The following MBP variants were observed in gnomAD, a reference collection of about 807,000 sequenced individuals.
The protein encoded by MBP is Golli-MBP.
Under a neutral mutation model 35.8 loss-of-function variants are expected in MBP, and 16 were observed. That is an observed-to-expected ratio of 0.45 (90% confidence interval 0.30 to 0.68). MBP has a LOEUF of 0.68. Ranked by LOEUF, MBP falls within the 30% of genes least tolerant of loss-of-function variation. The probability of loss-of-function intolerance (pLI) is 0.08; values close to 1 mark genes in which losing one functional copy is unlikely to be tolerated. For missense variants in MBP, 380 were observed against 404.7 expected (o/e 0.94, Z 0.52); for synonymous variants, 143 against 159.6 (o/e 0.90, Z 0.78).
chr18:77,108,748 C>T (rs966080), intron 1 of MBP: 149,125 of 152,382 alleles, frequency 0.98, 73,051 homozygotes, highest in Middle Eastern at 1. Context: ...GGTGGAACCA[C>T]AGGATAATTC....
intron 3 of MBP, among the ~76,000 whole-genome samples, chr18:77,055,345 G>A (rs886952679): frequency 6.6e-6 from 1 of 152,204 alleles, no homozygotes; most frequent in South Asian, 2.1e-4. Flanking sequence ...AGAGTAGGGG[G>A]CACATAACTG....
chr18:77,072,074 C>T (rs371222761), intron 2 of MBP, among the ~76,000 whole-genome samples: 12 of 152,238 alleles, frequency 7.9e-5, no homozygotes, highest in East Asian at 7.7e-4. Flanking sequence ...ACGTCACAGG[C>T]GACACAGTCA....
Position 77,010,491 on chromosome 18 carries a change from A to G in MBP, c.576+6341T>C, listed in dbSNP as rs1424079125. On this transcript the variant is annotated intron_variant, in intron 4 of 8. Coordinates refer to ENST00000355994, the MANE Select transcript of MBP (RefSeq NM_001025101.2). ...AACTTTTTCTGCTCTGTGAAGGTTCAGTGAACCGAGGACGGACCTTTTCCG... is the reference window on the plus strand; with the variant it reads ...AACTTTTTCTGCTCTGTGAAGGTTCGGTGAACCGAGGACGGACCTTTTCCG... Among the ~76,000 whole-genome samples the G allele has an allele frequency of 3.9e-5, 6 of 152,264 alleles. 1 individual carries two copies. Among genetic ancestry groups the G allele is most frequent in the African/African-American group, 1.4e-4 (6 of 41,468 alleles).
chr18:77,011,965 C>A (rs1345221211), intron 4 of MBP, among the ~76,000 whole-genome samples: 1 of 152,196 alleles, frequency 6.6e-6, no homozygotes, highest in Non-Finnish European at 1.5e-5. Context: ...GCTCCTAATT[C>A]ACCGATCAGA....
intron 2 of MBP, among the ~76,000 whole-genome samples, chr18:77,078,816 C>T (rs372668823): frequency 6.6e-6 from 1 of 152,204 alleles, no homozygotes; most frequent in East Asian, 1.9e-4. Flanking sequence ...GTGGACTCCA[C>T]CAATGAGGAT....
intron 1 of MBP, among the ~76,000 whole-genome samples, chr18:77,122,988 T>C (rs561481004): frequency 1.6e-4 from 24 of 152,340 alleles, no homozygotes; most frequent in African/African-American, 5.5e-4. Context: ...TATTTTGCCA[T>C]GGGAAAATTA....
chr18:77,108,304 A>G (rs1207143293), intron 1 of MBP: 1 of 152,214 alleles, frequency 6.6e-6, no homozygotes, highest in Non-Finnish European at 1.5e-5. Context: ...ATTTTTTGCA[A>G]TTAATCAAAT....
In MBP at chr18:77,000,522, G is replaced by A. The variant is rs145594323; in HGVS notation, c.577-10462C>T. ...TTAAAATCACGGGAGGAAGACCACG[G>A]GTGGCCATTTATTTGTAAAAGAAAT... On this transcript the variant is annotated intron_variant, in intron 4 of 8. Transcript: ENST00000355994. 6.6e-5 allele frequency among the ~76,000 whole-genome samples: 10 copies of A among 152,300 alleles called. No homozygotes were observed. In the East Asian group the frequency reaches 1.9e-3, roughly 29 times the overall value.
intron 2 of MBP, among the ~76,000 whole-genome samples, chr18:77,077,395 T>C (rs1297653506): frequency 6.6e-6 from 1 of 151,874 alleles, no homozygotes; most frequent in Non-Finnish European, 1.5e-5. Flanking sequence ...ATTCTTTTCT[T>C]GATCCTTCTT....
intron 3 of MBP, among the ~76,000 whole-genome samples, chr18:77,045,781 T>G (rs904718671): frequency 6.6e-6 from 1 of 152,212 alleles, no homozygotes; most frequent in African/African-American, 2.4e-5. Context: ...ACAGTGAAAT[T>G]ACTTAAATCT....
In MBP at chr18:77,028,742, C is replaced by T. The variant is rs1170524596; in HGVS notation, c.140-11474G>A. ...CTCCCGGACGGGGCGGCTGGCCAGG[C>T]GGGGGGCTGATCCCCCCACCTCCCT... is the stretch of plus-strand genomic sequence containing the variant. On this transcript the variant is annotated intron_variant, in intron 3 of 8. Coordinates refer to ENST00000355994, the MANE Select transcript of MBP (RefSeq NM_001025101.2). 4.9e-3 allele frequency among the ~76,000 whole-genome samples: 467 copies of T among 94,790 alleles called. 27 individuals are homozygous for T. Among genetic ancestry groups the T allele is most frequent in the Middle Eastern group, 0.013 (2 of 154 alleles). The allele number at this position is 94,790 out of a possible 152,430, so 62.2% of individuals were successfully genotyped here. A position where few individuals can be genotyped will look rare whatever the true frequency, so the allele number is the denominator to read the frequency against.
At chr18:77,036,926 T>A (rs1362711187) in intron 3 of MBP, among the ~76,000 whole-genome samples, 11 of 53,394 alleles carry the variant, frequency 2.1e-4, no homozygotes, top group South Asian at 1.2e-3. Context: ...TTTTGGAGAC[T>A]GAGCTGAGCA....
chr18:76,980,336 C>T lies in MBP; in HGVS notation c.*91G>A, dbSNP rs1599444987. On this transcript the variant is annotated 3_prime_UTR_variant, in exon 9 of 9. Coordinates refer to ENST00000355994, the MANE Select transcript of MBP (RefSeq NM_001025101.2). Reference sequence around the variant, plus strand: ...CAGGCATTAGGGGAGGGGTCATCTGCTCTAATTAGGTAACAGGGGCAAGTG... The same window carrying T: ...CAGGCATTAGGGGAGGGGTCATCTGTTCTAATTAGGTAACAGGGGCAAGTG... The T allele has an allele frequency of 2.5e-6, 3 of 1,215,444 alleles. No homozygotes were observed. In the East Asian group the frequency reaches 7.0e-5, roughly 28 times the overall value. The allele number at this position is 1,215,444 out of a possible 1,614,324, so 75.3% of individuals were successfully genotyped here.
chr18:77,088,317 C>T (rs1022645048), intron 2 of MBP, among the ~76,000 whole-genome samples: 3 of 152,182 alleles, frequency 2.0e-5, no homozygotes, highest in African/African-American at 7.2e-5. Flanking sequence ...GAACCCCCAG[C>T]CCCTTTAATG....
intron 3 of MBP, 116 bp from the exon 4 acceptor site, chr18:77,017,384 G>A: frequency 1.1e-6 from 1 of 944,128 alleles, no homozygotes; most frequent in Non-Finnish European, 1.5e-6. Context: ...CAGAATATGT[G>A]CAGTCCTCAT....
chr18:77,056,493 G>T (rs1973728859), intron 3 of MBP, among the ~76,000 whole-genome samples: 1 of 152,166 alleles, frequency 6.6e-6, no homozygotes, highest in African/African-American at 2.4e-5. Context: ...CAACAAGGAA[G>T]ATAACACCCT....
intron 3 of MBP, among the ~76,000 whole-genome samples, chr18:77,028,743 G>C (rs867127108): frequency 2.0e-5 from 2 of 98,424 alleles, no homozygotes; most frequent in African/African-American, 5.8e-5. Flanking sequence ...CTGGCCAGGC[G>C]GGGGGCTGAT....
At position 77,131,083 on chromosome 18, in the gene MBP, GCGCA is replaced by G. The variant is rs1238478584; in HGVS notation, c.-26+1493_-26+1496del. Among the ~76,000 whole-genome samples the G allele has an allele frequency of 3.0e-3, 132 of 43,692 alleles. No individual in the cohort carries two copies. The highest frequency in any genetic ancestry group is 0.034 in the Middle Eastern group (2 of 58). 28.7% of individuals were successfully genotyped at this position (43,692 alleles called of 152,430 possible). On this transcript the variant is annotated intron_variant, in intron 1 of 8. Coordinates refer to ENST00000355994, the MANE Select transcript of MBP (RefSeq NM_001025101.2). The surrounding 1 kb of genome is among the most constrained non-coding windows in gnomAD (Gnocchi z 5.5). The stretch of plus-strand genomic sequence containing the variant: ...AAAACACACACACGCGCGCACGCAC[GCGCA>G]CACACACACACACACACACACACAC...
At chr18:77,004,801 G>A (rs928238985) in intron 4 of MBP, 1 of 152,340 alleles carries the variant, frequency 6.6e-6, no homozygotes. Flanking sequence ...ATGACAGGAA[G>A]GATCAGCGTT....
Sources: gnomAD v4.1 joint callset for allele counts (sites outside exome capture counted in the v4.1 genomes callset) on GRCh38, gnomAD v4.1.1 for gene constraint, Gnocchi (gnomAD v3.1) non-coding constraint, MANE v1.5 for transcripts, NCBI Gene and HGNC (gene_info 2026-07-23, HGNC 2026-07-21) for gene names.